The following DLGAP1 variants were observed in gnomAD, a reference collection of about 807,000 sequenced individuals.
The protein encoded by DLGAP1 is disks large-associated protein 1.
DLGAP1 carries 11 observed loss-of-function variants against 90.8 expected under a neutral mutation model. That is an observed-to-expected ratio of 0.12 (90% confidence interval 0.08 to 0.20). The LOEUF (loss-of-function observed/expected upper bound fraction) is 0.20. Among genes scored for constraint, DLGAP1 ranks in the 10% least tolerant of loss-of-function variants. The pLI is 1.00. For synonymous variants in DLGAP1, 558 were observed against 540.7 expected, an observed-to-expected ratio of 1.03 and a Z score of -0.44; for missense variants, 1,050 against 1,333.8, an observed-to-expected ratio of 0.79 and a Z score of 3.31.
chr18:4,012,461 C>T (rs888786002), intron 2 of DLGAP1, among the ~76,000 whole-genome samples: 26 of 152,096 alleles, frequency 1.7e-4, no homozygotes, highest in African/African-American at 6.0e-4. Flanking sequence ...CACGGAATGG[C>T]ACTGTGGACA....
chr18:4,269,648 C>A (rs967263386), intron 1 of DLGAP1, among the ~76,000 whole-genome samples: 4 of 151,892 alleles, frequency 2.6e-5, no homozygotes, highest in Non-Finnish European at 5.9e-5. Context: ...GCCACCGCGC[C>A]CGGCCATATT....
intron 1 of DLGAP1, among the ~76,000 whole-genome samples, chr18:4,182,604 T>A (rs1042854784): frequency 2.0e-5 from 3 of 152,180 alleles, no homozygotes; most frequent in African/African-American, 7.2e-5. Context: ...TCCCTAGGTA[T>A]CTTCCATGCG....
At chr18:3,834,305 C>CTAA (rs2068243272) in intron 4 of DLGAP1, among the ~76,000 whole-genome samples, 1 of 33,166 alleles carries the variant, frequency 3.0e-5, no homozygotes, top group Non-Finnish European at 5.9e-5. Context: ...GACTCTGTCT[C>CTAA]AAAAAAAAAA....
chr18:3,633,317 C>T (rs530493224), intron 7 of DLGAP1, among the ~76,000 whole-genome samples: 3 of 151,472 alleles, frequency 2.0e-5, no homozygotes, highest in Non-Finnish European at 4.4e-5. Flanking sequence ...GCAGGAGAAT[C>T]GCTTGAACCC....
chr18:3,698,644 TC>T (rs1441296951), intron 7 of DLGAP1, among the ~76,000 whole-genome samples: 3 of 152,284 alleles, frequency 2.0e-5, no homozygotes, highest in Admixed American at 6.5e-5. Flanking sequence ...TTGAGGAGTA[TC>T]TTTGTAGTGT....
At chr18:4,067,029 C>G (rs145403174) in intron 2 of DLGAP1, among the ~76,000 whole-genome samples, 2 of 152,052 alleles carry the variant, frequency 1.3e-5, no homozygotes, top group Non-Finnish European at 2.9e-5. Flanking sequence ...TTTGCAGGGA[C>G]GTGGACGGAG....
chr18:4,263,961 CT>C (rs2079054558), intron 1 of DLGAP1, among the ~76,000 whole-genome samples: 1 of 152,140 alleles, frequency 6.6e-6, no homozygotes, highest in Non-Finnish European at 1.5e-5. Context: ...AGCAAATAGT[CT>C]TTCTGAAGTC....
At chr18:3,511,051 T>C (rs1433719199) in intron 10 of DLGAP1, among the ~76,000 whole-genome samples, 1 of 152,194 alleles carries the variant, frequency 6.6e-6, no homozygotes, top group Admixed American at 6.5e-5. Context: ...GTCATGTTCC[T>C]TGCATGGAAA....
intron 1 of DLGAP1, among the ~76,000 whole-genome samples, chr18:4,416,299 G>A (rs964883098): frequency 2.0e-5 from 3 of 152,118 alleles, no homozygotes; most frequent in Non-Finnish European, 4.4e-5. Context: ...AAATTCCATA[G>A]ATGAGCTTAT....
At chr18:3,786,973 T>G (rs1042406297) in intron 5 of DLGAP1, among the ~76,000 whole-genome samples, 5 of 152,142 alleles carry the variant, frequency 3.3e-5, no homozygotes, top group Non-Finnish European at 5.9e-5. Flanking sequence ...TACATTGTCT[T>G]AGATGAAAGC....
intron 2 of DLGAP1, among the ~76,000 whole-genome samples, chr18:4,090,203 A>G (rs1261690734): frequency 6.6e-6 from 1 of 152,176 alleles, no homozygotes; most frequent in Non-Finnish European, 1.5e-5. Flanking sequence ...ATTTCATGAC[A>G]AAAACATCAA....
intron 7 of DLGAP1, among the ~76,000 whole-genome samples, chr18:3,703,653 GTTC>G (rs931658393): frequency 2.6e-5 from 4 of 152,080 alleles, no homozygotes; most frequent in Non-Finnish European, 4.4e-5. Context: ...TTCTCTTTTC[GTTC>G]TTTTTTGTTT....
chr18:3,551,148 A>G (rs2053382160), intron 9 of DLGAP1, among the ~76,000 whole-genome samples: 1 of 113,502 alleles, frequency 8.8e-6, no homozygotes, highest in Non-Finnish European at 1.7e-5. Context: ...AAACTGACTA[A>G]TATTATATAC....
In DLGAP1 at chr18:3,874,962, A is replaced by G. The variant is rs148439012; in HGVS notation, c.957+4150T>C. On this transcript the variant is annotated intron_variant, in intron 4 of 12. Transcript: ENST00000315677. Reference sequence around the variant, plus strand: ...AATGTCAGGCAGAGGCTAAATACTTATAGACTTCTCATTTTCTATAGAATC... The same window carrying G: ...AATGTCAGGCAGAGGCTAAATACTTGTAGACTTCTCATTTTCTATAGAATC... Among the ~76,000 whole-genome samples, 662 of 152,324 alleles carry G rather than the reference A, an allele frequency of 4.3e-3. 5 individuals are homozygous for G. The highest frequency in any genetic ancestry group is 0.015 in the African/African-American group (625 of 41,578).
chr18:3,552,483 A>C (rs945742094), intron 9 of DLGAP1, among the ~76,000 whole-genome samples: 1 of 152,116 alleles, frequency 6.6e-6, no homozygotes, highest in African/African-American at 2.4e-5. Flanking sequence ...TTGGGCTCAG[A>C]AGGGTCAGCC....
At chr18:3,572,372 C>T (rs191994816) in intron 8 of DLGAP1, among the ~76,000 whole-genome samples, 1 of 151,330 alleles carries the variant, frequency 6.6e-6, no homozygotes, top group East Asian at 1.9e-4. Context: ...TGACTTCTGA[C>T]TCTGGAATAT....
Position 4,430,494 on chromosome 18 carries a change from T to TTGTG in DLGAP1, c.-267+24508_-267+24511dup, listed in dbSNP as rs1225686125. ...CTTAGGTCTTTTCTGGTAAATAGTC[T>TTGTG]TGTGTGTCTGTGTGTGTGTGTGTGT... On this transcript the variant is annotated intron_variant, in intron 1 of 12. Coordinates refer to ENST00000315677, the MANE Select transcript of DLGAP1 (RefSeq NM_004746.4). 3.1e-4 allele frequency: 23 copies of TTGTG among 73,358 alleles called. No individual in the cohort carries two copies. In the South Asian group the frequency reaches 4.1e-3, roughly 13 times the overall value. The allele number at this position is 73,358 out of a possible 1,614,324, so 4.5% of individuals were successfully genotyped here. A position where few individuals can be genotyped will look rare whatever the true frequency, so the allele number is the denominator to read the frequency against.
intron 1 of DLGAP1, among the ~76,000 whole-genome samples, chr18:4,418,371 A>C (rs1203144925): frequency 1.3e-5 from 2 of 152,230 alleles, no homozygotes; most frequent in African/African-American, 4.8e-5. Context: ...AAGCAGCAAA[A>C]CCAGACTCAA....
At chr18:3,741,786 A>G (rs190236849) in intron 6 of DLGAP1, among the ~76,000 whole-genome samples, 3 of 151,766 alleles carry the variant, frequency 2.0e-5, no homozygotes, top group East Asian at 3.9e-4. Flanking sequence ...TAGTTATCCT[A>G]TGTCAAAGTT....
Sources: gnomAD v4.1 joint callset for allele counts (sites outside exome capture counted in the v4.1 genomes callset) on GRCh38, gnomAD v4.1.1 for gene constraint, MANE v1.5 for transcripts, NCBI Gene and HGNC (gene_info 2026-07-23, HGNC 2026-07-21) for gene names.